The following SEPTIN9 variants were observed in gnomAD, a reference collection of about 807,000 sequenced individuals.
SEPTIN9 encodes the protein septin-9.
In SEPTIN9, 13 loss-of-function variants were observed where a neutral mutation model predicts 56.6. The ratio of observed to expected loss-of-function variants is 0.23; its 90% CI spans 0.15 to 0.37. The LOEUF (loss-of-function observed/expected upper bound fraction) is 0.37. Among genes scored for constraint, SEPTIN9 ranks in the 10% least tolerant of loss-of-function variants. SEPTIN9 has a pLI of 1.00. For synonymous variants in SEPTIN9, 332 were observed against 334.1 expected, an observed-to-expected ratio of 0.99 and a Z score of 0.07; for missense variants, 650 against 823.1, an observed-to-expected ratio of 0.79 and a Z score of 2.57.
Position 77,402,811 on chromosome 17 carries a change from T to G in SEPTIN9, c.721+108T>G. The G allele has an allele frequency of 8.6e-7, 1 of 1,161,492 alleles. No individual in the cohort carries two copies. Among genetic ancestry groups the G allele is most frequent in the Non-Finnish European group, 1.2e-6 (1 of 839,870 alleles). The allele number at this position is 1,161,492 out of a possible 1,614,324, so 71.9% of individuals were successfully genotyped here. A position where few individuals can be genotyped will look rare whatever the true frequency, so the allele number is the denominator to read the frequency against. On this transcript the variant is annotated intron_variant, in intron 3 of 11. Transcript: ENST00000427177. The surrounding 1 kb of genome is among the most constrained non-coding windows in gnomAD (Gnocchi z 6.6). The stretch of plus-strand genomic sequence containing the variant: ...AAGCTGGATATGGGGTGGAGGGTGC[T>G]ACCCTGGAGACCCAGAAAGACCGGA...
intron 3 of SEPTIN9, among the ~76,000 whole-genome samples, chr17:77,441,238 AC>A (rs1487804203): frequency 6.6e-6 from 1 of 151,458 alleles, no homozygotes; most frequent in African/African-American, 2.4e-5. Flanking sequence ...GGGTTTCAGA[AC>A]CCCCACCCCG....
intron 2 of SEPTIN9, among the ~76,000 whole-genome samples, chr17:77,390,060 C>T (rs1480766733): frequency 2.0e-5 from 3 of 152,190 alleles, no homozygotes; most frequent in South Asian, 2.1e-4. Flanking sequence ...CCGGATCAGT[C>T]GCTGTTGCCC....
chr17:77,456,811 G>T lies in SEPTIN9; in HGVS notation c.722-25333G>T, dbSNP rs2038224880. Reference sequence around the variant, plus strand: ...ACCAGGTCTCAGGGACCAGCGCTGGGTCCCCACAGCCAAGGACAAGTCCCC... The same window carrying T: ...ACCAGGTCTCAGGGACCAGCGCTGGTTCCCCACAGCCAAGGACAAGTCCCC... On this transcript the variant is annotated intron_variant, in intron 3 of 11. Transcript: ENST00000427177. The surrounding 1 kb of genome is among the most constrained non-coding windows in gnomAD (Gnocchi z 6.0). 6.6e-6 allele frequency among the ~76,000 whole-genome samples: 1 copy of T among 152,118 alleles called. No individual in the cohort carries two copies. The highest frequency in any genetic ancestry group is 1.5e-5 in the Non-Finnish European group (1 of 68,012).
chr17:77,373,206 G>T, intron 2 of SEPTIN9: 1 of 1,097,192 alleles, frequency 9.1e-7, no homozygotes, highest in Non-Finnish European at 1.1e-6. Context: ...GCCTGGCCTT[G>T]ACAGGCGGGC....
chr17:77,464,560 G>C (rs974710312), intron 3 of SEPTIN9, among the ~76,000 whole-genome samples: 1 of 151,732 alleles, frequency 6.6e-6, no homozygotes, highest in Non-Finnish European at 1.5e-5. Context: ...TGTTTGACCG[G>C]TTACCTAGGT....
intron 2 of SEPTIN9, among the ~76,000 whole-genome samples, chr17:77,311,679 C>A (rs1427353068): frequency 6.6e-6 from 1 of 152,174 alleles, no homozygotes; most frequent in Non-Finnish European, 1.5e-5. Flanking sequence ...AAGGGTGGGG[C>A]CTGTGCAGTG....
chr17:77,462,360 G>A (rs527566651), intron 3 of SEPTIN9, among the ~76,000 whole-genome samples: 30 of 152,214 alleles, frequency 2.0e-4, no homozygotes, highest in African/African-American at 6.5e-4. Context: ...CCCAGCTGCC[G>A]GCCCCGGGAG....
chr17:77,291,114 C>T (rs1420164321), intron 1 of SEPTIN9, among the ~76,000 whole-genome samples: 1 of 146,770 alleles, frequency 6.8e-6, no homozygotes, highest in Non-Finnish European at 1.5e-5. Context: ...CGGCTCACTG[C>T]AACCCCCGGC....
chr17:77,303,637 T>A (rs2032151079), intron 1 of SEPTIN9, among the ~76,000 whole-genome samples: 1 of 151,836 alleles, frequency 6.6e-6, no homozygotes, highest in Admixed American at 6.6e-5. Flanking sequence ...ACTGAGATCG[T>A]GCCACTGCAG....
At position 77,476,731 on chromosome 17, in the gene SEPTIN9, C is replaced by T. The variant is rs754618694; in HGVS notation, c.722-5413C>T. On this transcript the variant is annotated intron_variant, in intron 3 of 11. Coordinates refer to ENST00000427177, the MANE Select transcript of SEPTIN9 (RefSeq NM_001113491.2). This position sits in a 1 kb window ranked among gnomAD's most constrained non-coding sequence, Gnocchi z 6.0. Reference sequence around the variant, plus strand: ...CTGCAGAGAAACTGTCAAGGTCTCCCGCCACCTGACACCTCCGCCTGGCTG... The same window carrying T: ...CTGCAGAGAAACTGTCAAGGTCTCCTGCCACCTGACACCTCCGCCTGGCTG... Among the ~76,000 whole-genome samples the T allele has an allele frequency of 8.5e-5, 13 of 152,166 alleles. No homozygotes were observed. The highest frequency in any genetic ancestry group is 1.9e-4 in the East Asian group (1 of 5,190).
At chr17:77,286,979 G>C (rs1417696298) in intron 1 of SEPTIN9, among the ~76,000 whole-genome samples, 1 of 152,224 alleles carries the variant, frequency 6.6e-6, no homozygotes, top group Non-Finnish European at 1.5e-5. Flanking sequence ...CTAGGCGGTT[G>C]CCAGGGATTT....
At position 77,402,087 on chromosome 17, in the gene SEPTIN9, G is replaced by C. The variant is rs2035918666; in HGVS notation, c.105G>C (p.Glu35Asp). ...PALKRSFEVE[E>D]VETPNSTPPR... ...TGAAAAGATCTTTTGAGGTCGAGGA[G>C]GTCGAGACACCCAACTCCACCCCAC... The change falls in exon 3 of 12, where the codon GAG becomes GAC. Residue 35 changes from glutamate to aspartate, a missense_variant. Physicochemically the swap from Glu to Asp is conservative, Grantham distance 45. Coordinates refer to ENST00000427177, the MANE Select transcript of SEPTIN9 (RefSeq NM_001113491.2). This position sits in a 1 kb window ranked among gnomAD's most constrained non-coding sequence, Gnocchi z 6.6. 1.9e-6 allele frequency: 3 copies of C among 1,613,684 alleles called. No homozygotes were observed. The highest frequency in any genetic ancestry group is 2.7e-5 in the African/African-American group (2 of 75,020).
intron 3 of SEPTIN9, among the ~76,000 whole-genome samples, chr17:77,458,049 G>A (rs942581915): frequency 6.6e-6 from 1 of 152,180 alleles, no homozygotes; most frequent in African/African-American, 2.4e-5. Flanking sequence ...TGCCTGTCCC[G>A]ATGAGAGGGC....
rs148792954 is a variant in SEPTIN9, at chr17:77,379,266, T to A, written c.77-22793T>A. On this transcript the variant is annotated intron_variant, in intron 2 of 11. Transcript: ENST00000427177. ...GTCAGGAGGTGGAGGGGGGACTGGG[T>A]GCCTGGAAAAACAAGCCCACCGAGA... Among the ~76,000 whole-genome samples the A allele has an allele frequency of 7.3e-3, 1,091 of 150,232 alleles. 8 individuals are homozygous for A. Among genetic ancestry groups the A allele is most frequent in the Non-Finnish European group, 0.012 (825 of 67,398 alleles).
intron 3 of SEPTIN9, among the ~76,000 whole-genome samples, chr17:77,432,732 G>A (rs1312092956): frequency 6.6e-6 from 1 of 152,272 alleles, no homozygotes; most frequent in African/African-American, 2.4e-5. Flanking sequence ...TTTTGCTGCA[G>A]TTGCTGTTTG....
chr17:77,422,499 T>C (rs1043697942), intron 3 of SEPTIN9, among the ~76,000 whole-genome samples: 2 of 152,040 alleles, frequency 1.3e-5, no homozygotes, highest in African/African-American at 4.8e-5. Flanking sequence ...TCCAGAGTTC[T>C]AGGTGGAGGA....
At chr17:77,360,540 GT>G (rs146100037) in intron 2 of SEPTIN9, among the ~76,000 whole-genome samples, 50 of 147,592 alleles carry the variant, frequency 3.4e-4, no homozygotes, top group Admixed American at 2.6e-3. Flanking sequence ...AGGGTAGGTT[GT>G]TTTTTTTTTG....
chr17:77,348,294 G>GT (rs367934946), intron 2 of SEPTIN9, among the ~76,000 whole-genome samples: 52,692 of 89,282 alleles, frequency 0.59, 16,705 homozygotes, highest in Non-Finnish European at 0.66. Context: ...TTTAATTTAT[G>GT]TTTTTTTTTT....
chr17:77,374,329 C>T (rs1275567858), intron 2 of SEPTIN9: 1 of 152,490 alleles, frequency 6.6e-6, no homozygotes, highest in Non-Finnish European at 1.5e-5. Flanking sequence ...CTGTCCAAGC[C>T]TGGGTCTGGC....
Sources: gnomAD v4.1 joint callset for allele counts (sites outside exome capture counted in the v4.1 genomes callset) on GRCh38, gnomAD v4.1.1 for gene constraint, Gnocchi (gnomAD v3.1) non-coding constraint, MANE v1.5 for transcripts, NCBI Gene and HGNC (gene_info 2026-07-23, HGNC 2026-07-21) for gene names.